The following TOX variants were observed in gnomAD, a reference collection of about 807,000 sequenced individuals.
TOX encodes thymocyte selection associated high mobility group box.
In TOX, 11 loss-of-function variants were observed where a neutral mutation model predicts 53.7. The ratio of observed to expected loss-of-function variants is 0.20; its 90% CI spans 0.13 to 0.34. The LOEUF is 0.34. Ranked by LOEUF, TOX falls within the 10% of genes least tolerant of loss-of-function variation. TOX has a pLI of 1.00. For missense variants in TOX, 570 were observed against 664.6 expected, an observed-to-expected ratio of 0.86 and a Z score of 1.56; for synonymous variants, 225 against 245.3, an observed-to-expected ratio of 0.92 and a Z score of 0.77.
intron 1 of TOX, among the ~76,000 whole-genome samples, chr8:59,057,616 C>T (rs185806783): frequency 6.6e-6 from 1 of 152,156 alleles, no homozygotes; most frequent in African/African-American, 2.4e-5. Flanking sequence ...TTCTCTCCGC[C>T]CCCCGCCTTT....
rs1804836574 is a variant in TOX at position 59,103,189 on chromosome 8, A to G, written c.102+15697T>C. Among the ~76,000 whole-genome samples, 4 of 152,336 alleles carry G rather than the reference A, an allele frequency of 2.6e-5. No individual in the cohort carries two copies. The South Asian group carries it at 8.3e-4, about 32-fold the overall frequency. ...AACCCTAACTGAAGTCATCCAGTTT[A>G]GACTAAGATAAAATACTTTGTCAAG... On this transcript the variant is annotated intron_variant, in intron 1 of 8. Coordinates refer to ENST00000361421, the MANE Select transcript of TOX (RefSeq NM_014729.3).
chr8:58,947,978 A>G (rs151207640), intron 2 of TOX, among the ~76,000 whole-genome samples: 1 of 152,352 alleles, frequency 6.6e-6, no homozygotes, highest in Non-Finnish European at 1.5e-5. Context: ...CCACCAATCA[A>G]AGCAAACTTC....
chr8:59,088,545 G>T (rs1316665197), intron 1 of TOX, among the ~76,000 whole-genome samples: 1 of 152,158 alleles, frequency 6.6e-6, no homozygotes, highest in East Asian at 1.9e-4. Context: ...CATAGTCCCT[G>T]TTTCTGTTCA....
chr8:59,065,669 A>G (rs1804074936), intron 1 of TOX, among the ~76,000 whole-genome samples: 1 of 152,148 alleles, frequency 6.6e-6, no homozygotes. Context: ...TTCCCACTGC[A>G]CAGCTCTGTC....
At chr8:58,824,305 G>A (rs148586784) in intron 6 of TOX, among the ~76,000 whole-genome samples, 470 of 152,232 alleles carry the variant, frequency 3.1e-3, no homozygotes, top group African/African-American at 6.3e-3. Flanking sequence ...CTTTAAAAAC[G>A]TAAGTCCCAT....
chr8:58,874,512 A>G (rs1811253447), intron 3 of TOX, among the ~76,000 whole-genome samples: 1 of 152,192 alleles, frequency 6.6e-6, no homozygotes, highest in South Asian at 2.1e-4. Flanking sequence ...GCCAAGGACA[A>G]GAATCATGCA....
rs1406614448 is a variant in TOX, at chr8:59,117,079, T to C, written c.102+1807A>G. Among the ~76,000 whole-genome samples the C allele has an allele frequency of 6.6e-6, 1 of 152,192 alleles. No individual in the cohort carries two copies. The highest frequency in any genetic ancestry group is 2.4e-5 in the African/African-American group (1 of 41,446). On this transcript the variant is annotated intron_variant, in intron 1 of 8. Transcript: ENST00000361421. This position sits in a 1 kb window ranked among gnomAD's most constrained non-coding sequence, Gnocchi z 4.6. ...ATTAACTTCTTTTTGGGGCCTAAAATCACTGATAAACTTAATAAGATTTGT... is the reference window on the plus strand; with the variant it reads ...ATTAACTTCTTTTTGGGGCCTAAAACCACTGATAAACTTAATAAGATTTGT...
chr8:59,112,522 G>T (rs990772900), intron 1 of TOX, among the ~76,000 whole-genome samples: 3 of 152,232 alleles, frequency 2.0e-5, no homozygotes, highest in South Asian at 4.1e-4. Flanking sequence ...AACACAATTC[G>T]TTATCAATCA....
intron 1 of TOX, among the ~76,000 whole-genome samples, chr8:59,065,756 G>T (rs1804076489): frequency 6.6e-6 from 1 of 152,036 alleles, no homozygotes; most frequent in Non-Finnish European, 1.5e-5. Context: ...TGTGGATTAT[G>T]GTAGGAACAA....
In TOX at chr8:58,939,419, G is replaced by T. The variant is rs910511300; in HGVS notation, c.294C>A (p.His98Gln). Residue 98 changes from histidine to glutamine, a missense_variant, in exon 3 of 9, where the codon CAC becomes CAA. By Grantham distance (24) the His-to-Gln change is conservative. Coordinates refer to ENST00000361421, the MANE Select transcript of TOX (RefSeq NM_014729.3). ...EVESGYHSLC[H>Q]PMNHNGLLPF... ...GTAGCAGGCCATTATGGTTCATGGG[G>T]TGACACAGAGAATGGTAACCAGACT... is the stretch of plus-strand genomic sequence containing the variant. 6.2e-7 allele frequency: 1 copy of T among 1,614,032 alleles called. No homozygotes were observed. Among genetic ancestry groups the T allele is most frequent in the African/African-American group, 1.3e-5 (1 of 74,908 alleles).
At chr8:58,926,138 T>G (rs946512748) in intron 3 of TOX, among the ~76,000 whole-genome samples, 2 of 152,172 alleles carry the variant, frequency 1.3e-5, no homozygotes, top group Admixed American at 6.5e-5. Context: ...GATATCAAAG[T>G]ATGACTTTTG....
intron 5 of TOX, among the ~76,000 whole-genome samples, chr8:58,835,549 T>C (rs963322107): frequency 5.3e-5 from 8 of 152,184 alleles, no homozygotes; most frequent in African/African-American, 1.9e-4. Flanking sequence ...AAAGCCTTAG[T>C]GTTATAGAAT....
At chr8:58,950,589 G>GA (rs1187953892) in intron 2 of TOX, among the ~76,000 whole-genome samples, 1 of 152,064 alleles carries the variant, frequency 6.6e-6, no homozygotes, top group South Asian at 2.1e-4. Flanking sequence ...TAGGGATGTG[G>GA]AAAAAAATAG....
intron 1 of TOX, among the ~76,000 whole-genome samples, chr8:58,983,006 C>A (rs1286483584): frequency 6.6e-6 from 1 of 152,092 alleles, no homozygotes; most frequent in African/African-American, 2.4e-5. Context: ...TCCAAATATC[C>A]AAATTTTAAC....
At chr8:59,110,101 C>G (rs1483094489) in intron 1 of TOX, among the ~76,000 whole-genome samples, 1 of 152,000 alleles carries the variant, frequency 6.6e-6, no homozygotes, top group Non-Finnish European at 1.5e-5. Flanking sequence ...AAAGATTATC[C>G]CATTAGCCTT....
chr8:58,873,981 T>TTTTTTTTTTTTTTTTG (rs1811242451), intron 3 of TOX, among the ~76,000 whole-genome samples: 1 of 128,086 alleles, frequency 7.8e-6, no homozygotes, highest in African/African-American at 2.8e-5. Context: ...TTTTTTTTTT[T>TTTTTTTTTTTTTTTTG]TTTTTGGGAA....
chr8:58,982,432 A>G (rs977484858), intron 1 of TOX, among the ~76,000 whole-genome samples: 2 of 152,188 alleles, frequency 1.3e-5, no homozygotes, highest in Non-Finnish European at 2.9e-5. Flanking sequence ...GGACATCTTC[A>G]TCAAAGACGC....
chr8:59,069,196 G>A (rs1017742074), intron 1 of TOX, among the ~76,000 whole-genome samples: 1 of 152,134 alleles, frequency 6.6e-6, no homozygotes, highest in African/African-American at 2.4e-5. Flanking sequence ...AAGGATAGAG[G>A]GGTAGCAAAT....
intron 1 of TOX, among the ~76,000 whole-genome samples, chr8:58,996,888 A>G (rs1454714299): frequency 2.0e-5 from 3 of 152,154 alleles, no homozygotes; most frequent in African/African-American, 7.2e-5. Flanking sequence ...CAGTTATGCA[A>G]TGGTTGCCAA....
Sources: gnomAD v4.1 joint callset for allele counts (sites outside exome capture counted in the v4.1 genomes callset) on GRCh38, gnomAD v4.1.1 for gene constraint, Gnocchi (gnomAD v3.1) non-coding constraint, MANE v1.5 for transcripts, NCBI Gene and HGNC (gene_info 2026-07-23, HGNC 2026-07-21) for gene names.